The following MUS81 variants were observed in gnomAD, a reference collection of about 807,000 sequenced individuals.
The protein encoded by MUS81 is structure-specific endonuclease subunit MUS81.
MUS81 carries 69 observed loss-of-function variants against 74.2 expected under a neutral mutation model. That is an observed-to-expected ratio of 0.93 (90% CI 0.77 to 1.14). MUS81 has a LOEUF of 1.14. Among genes scored for constraint, MUS81 ranks in the 50% most tolerant of loss-of-function variants. The pLI is 0.00. For missense variants in MUS81, 711 were observed against 726.5 expected (o/e 0.98, Z 0.25); for synonymous variants, 303 against 300.6 (o/e 1.01, Z -0.08).
Position 65,861,771 on chromosome 11 carries a change from A to T in MUS81, c.352-176A>T, listed in dbSNP as rs1363718867. On this transcript the variant is annotated intron_variant, in intron 3 of 15. Transcript: ENST00000308110. ...AGACACCCCCACCCACTGCCCCGAA[A>T]CTGCCTGCTGTTTTATCCCAGATTT... is the stretch of plus-strand genomic sequence containing the variant. 4.4e-5 allele frequency: 28 copies of T among 639,338 alleles called. No individual in the cohort carries two copies. The East Asian group carries it at 7.4e-4, about 17-fold the overall frequency. The allele number at this position is 639,338 out of a possible 1,614,324, so 39.6% of individuals were successfully genotyped here.
chr11:65,867,576 G>T, downstream of MUS81: 1 of 503,628 alleles, frequency 2.0e-6, no homozygotes, highest in Non-Finnish European at 3.6e-6. Context: ...CTGACCCCAG[G>T]GCCCTGCACA....
At position 65,863,883 on chromosome 11, in the gene MUS81, C is replaced by G. The variant is rs762306393; in HGVS notation, c.1041C>G (p.Gly347=). The G allele has an allele frequency of 6.2e-7, 1 of 1,614,014 alleles. No individual in the cohort carries two copies. The highest frequency in any genetic ancestry group is 1.3e-5 in the African/African-American group (1 of 74,916). Residue 347 remains glycine, a synonymous_variant, in exon 10 of 16, where the codon GGC becomes GGG. Transcript: ENST00000308110. ...ACCTTTGCAGCAGCATCATCGACGG[C>G]CGCTTCCGGGAGCAGAAGGTAATTT... ...LDDLCSSIID[G]RFREQKFRLK... is the part of the protein sequence containing the mutation.
At chr11:65,861,194 A>C (rs557430733) in intron 2 of MUS81, 92 bp downstream of exon 2, 2 of 1,588,468 alleles carry the variant, frequency 1.3e-6, no homozygotes, top group African/African-American at 2.7e-5. Context: ...TAAGCTCCCC[A>C]CTCCTGTCCC....
In MUS81 at chr11:65,860,721, G is replaced by A; in HGVS notation, c.-33G>A. ...AACTGGCGGCGTCCCAGTCCCGCGG[G>A]CGTGGAGCGCCGGAGGACCCGCCCT... On this transcript the variant is annotated 5_prime_UTR_variant, in exon 1 of 16. Coordinates refer to ENST00000308110, the MANE Select transcript of MUS81 (RefSeq NM_025128.5). The A allele has an allele frequency of 8.5e-6, 13 of 1,532,534 alleles. No individual in the cohort carries two copies. The highest frequency in any genetic ancestry group is 1.0e-5 in the Non-Finnish European group (12 of 1,145,552). 94.9% of individuals were successfully genotyped at this position (1,532,534 alleles called of 1,614,324 possible).
chr11:65,860,082 T>C (rs929111610), upstream of MUS81: 5 of 355,836 alleles, frequency 1.4e-5, no homozygotes, highest in African/African-American at 1.1e-4. Flanking sequence ...CCACACACTC[T>C]TTGCCCTGTA....
chr11:65,865,514 G>A lies in MUS81; in HGVS notation c.1505+191G>A, dbSNP rs915441972. ...AGGCCCACATAGTGTCCCAGGTAGT[G>A]GAGGCCACAGGAGGGAGGGAGACGT... On this transcript the variant is annotated intron_variant, in intron 14 of 15. Transcript: ENST00000308110. 1.1e-4 allele frequency: 74 copies of A among 652,692 alleles called. No individual in the cohort carries two copies. In the African/African-American group the frequency reaches 1.3e-3, roughly 11 times the overall value. The allele number at this position is 652,692 out of a possible 1,614,324, so 40.4% of individuals were successfully genotyped here. A position where few individuals can be genotyped will look rare whatever the true frequency, so the allele number is the denominator to read the frequency against.
At chr11:65,862,378 GACACAGGGA>G in intron 5 of MUS81, 57 bp from the exon 6 acceptor site, 1 of 1,589,868 alleles carries the variant, frequency 6.3e-7, no homozygotes, top group East Asian at 2.2e-5. Flanking sequence ...CATGGCTGGG[GACACAGGGA>G]ACATGGACTT....
Position 65,863,135 on chromosome 11 carries a change from A to C in MUS81, c.676A>C (p.Asn226His). 4 of 1,614,122 alleles carry C rather than the reference A, an allele frequency of 2.5e-6. No homozygotes were observed. The Admixed American group carries it at 5.0e-5, about 20-fold the overall frequency. ...CGAGTCAGAAGGCCTGAGCTTGCTG[A>C]ATGTGGGCATCGGGCCCAAGGAGCC... ...LAESEGLSLL[N>H]VGIGPKEPPG... The change falls in exon 7 of 16, where the codon AAT becomes CAT. Residue 226 changes from asparagine (N) to histidine (H), a missense_variant. Asn to His is a moderately conservative substitution (Grantham distance 68, BLOSUM62 1). Transcript: ENST00000308110.
At chr11:65,862,962 G>C (rs1481221527) in intron 6 of MUS81, 103 bp from the exon 7 acceptor site, 2 of 1,489,552 alleles carry the variant, frequency 1.3e-6, no homozygotes, top group Non-Finnish European at 1.9e-6. Context: ...ATTTGTGCAG[G>C]GCGCCAAGGG....
rs1859645960 is a variant in MUS81 at position 65,862,485 on chromosome 11, C to T, written c.561C>T (p.Ser187=). The change falls in exon 6 of 16, where the codon TCC becomes TCT. Residue 187 remains serine (S), a synonymous_variant. Transcript: ENST00000308110. ...CTCGACCCTGGCCAGCCCTCCGCTC[C>T]CTCCTTCACAGGAACCTGGTCCTCA... ...GSARPWPALR[S]LLHRNLVLRT... is the part of the protein sequence containing the mutation. 1 of 1,613,818 alleles carries T rather than the reference C, an allele frequency of 6.2e-7. No individual in the cohort carries two copies. The highest frequency in any genetic ancestry group is 8.5e-7 in the Non-Finnish European group (1 of 1,179,970).
downstream of MUS81, chr11:65,866,724 G>C (rs1367834041): frequency 2.7e-6 from 2 of 750,730 alleles, no homozygotes; most frequent in Non-Finnish European, 4.7e-6. Context: ...TGAACATATA[G>C]AGACCCCCAT....
At chr11:65,862,080 G>A in intron 4 of MUS81, 35 bp downstream of exon 4, 1 of 1,600,010 alleles carries the variant, frequency 6.2e-7, no homozygotes, top group Middle Eastern at 1.8e-4. Context: ...GCGGAACCAT[G>A]GCAGTGGGGT....
rs140194894 is a variant in MUS81 at position 65,863,233 on chromosome 11, A to G, written c.746+28A>G. On this transcript the variant is annotated intron_variant, in intron 7 of 15. Transcript: ENST00000308110. ...GAGGAGGAGGGCAGAGGAGTGGGGAAAACAGGGAGGAGGGGATGGGAAATG... is the reference window on the plus strand; with the variant it reads ...GAGGAGGAGGGCAGAGGAGTGGGGAGAACAGGGAGGAGGGGATGGGAAATG... 204 of 1,600,440 alleles carry G rather than the reference A, an allele frequency of 1.3e-4. No homozygotes were observed. The African/African-American group carries it at 2.5e-3, about 20-fold the overall frequency.
chr11:65,865,718 CCATCCCATG>C, intron 14 of MUS81, 84 bp from the exon 15 acceptor site: 1 of 1,286,808 alleles, frequency 7.8e-7, no homozygotes, highest in South Asian at 1.3e-5. Context: ...CCCAACTCTT[CCATCCCATG>C]CTGACCCCTC....
rs775334423 is a variant in MUS81, at chr11:65,865,256, A to G, written c.1438A>G (p.Met480Val). 1 of 1,614,180 alleles carries G rather than the reference A, an allele frequency of 6.2e-7. No homozygotes were observed. Among genetic ancestry groups the G allele is most frequent in the Admixed American group, 1.7e-5 (1 of 60,024 alleles). ...SVREVFARQL[M>V]QVRGVSGEKA... ...GCGAGAAGTGTTTGCCCGGCAGCTG[A>G]TGCAGGTGCGCGGAGTGAGTGGGGA... The change falls in exon 14 of 16, where the codon ATG becomes GTG. Residue 480 changes from methionine (M) to valine (V), a missense_variant. Transcript: ENST00000308110.
At chr11:65,864,838 G>A in intron 12 of MUS81, 23 bp downstream of exon 12, 1 of 1,606,160 alleles carries the variant, frequency 6.2e-7, no homozygotes, top group Non-Finnish European at 8.5e-7. Flanking sequence ...CCCTTTCCCA[G>A]TGTCGGGACA....
At chr11:65,861,691 CCTGT>C (rs1041506275) in intron 3 of MUS81, 8 of 600,946 alleles carry the variant, frequency 1.3e-5, no homozygotes, top group African/African-American at 1.3e-4. Flanking sequence ...ATTGAGTTTT[CCTGT>C]CTAATTACAC....
intron 3 of MUS81, 74 bp downstream of exon 3, chr11:65,861,509 G>T (rs777268208): frequency 7.6e-6 from 10 of 1,316,488 alleles, no homozygotes; most frequent in Non-Finnish European, 1.0e-5. Context: ...GGGGGATTTG[G>T]CAAGCCTGAG....
In MUS81 at chr11:65,862,062, A is replaced by G; in HGVS notation, c.450+17A>G. 1 of 1,605,150 alleles carries G rather than the reference A, an allele frequency of 6.2e-7. No individual in the cohort carries two copies. Among genetic ancestry groups the G allele is most frequent in the Non-Finnish European group, 8.5e-7 (1 of 1,175,480 alleles). On this transcript the variant is annotated intron_variant, in intron 4 of 15. Transcript: ENST00000308110. ...GAGCACCTGGTGAGCACTGGGCTACACCGGGAGGCGGAACCATGGCAGTGG... is the reference window on the plus strand; with the variant it reads ...GAGCACCTGGTGAGCACTGGGCTACGCCGGGAGGCGGAACCATGGCAGTGG...
Sources: allele counts gnomAD v4.1 joint callset, GRCh38; gene constraint gnomAD v4.1.1; transcripts MANE v1.5; gene names NCBI Gene and HGNC (gene_info 2026-07-23, HGNC 2026-07-21).